Variants in ULK4 observed in about 807,000 individuals in gnomAD.
ULK4 encodes the protein inactive serine/threonine-protein kinase ULK4.
In ULK4, 133 loss-of-function variants were observed where a neutral mutation model predicts 160.6. The observed-to-expected ratio is 0.83, with a 90% CI of 0.72 to 0.96. ULK4 has a LOEUF of 0.96. ULK4 is among the 40% of genes least tolerant of loss of function. ULK4 has a pLI of 0.00. For missense variants in ULK4, 1,580 were observed against 1,499.5 expected (o/e 1.05, Z -0.89); for synonymous variants, 534 against 539.8 (o/e 0.99, Z 0.15).
In ULK4 at chr3:41,375,997, C is replaced by T. The variant is rs900990559; in HGVS notation, c.3678+22082G>A. Among the ~76,000 whole-genome samples the T allele has an allele frequency of 1.2e-4, 18 of 150,284 alleles. 2 individuals are homozygous for T. Among genetic ancestry groups the T allele is most frequent in the African/African-American group, 2.0e-4 (8 of 40,372 alleles). The stretch of plus-strand genomic sequence containing the variant: ...AGGATATGAACAGACACTTCTCAAA[C>T]GAAGACATTTATGGGGCCAATAAAC... On this transcript the variant is annotated intron_variant, in intron 35 of 36. Coordinates refer to ENST00000301831, the MANE Select transcript of ULK4 (RefSeq NM_017886.4).
intron 4 of ULK4, among the ~76,000 whole-genome samples, chr3:41,932,424 T>C (rs1699633829): frequency 6.6e-6 from 1 of 152,254 alleles, no homozygotes; most frequent in Non-Finnish European, 1.5e-5. Flanking sequence ...ATCTGGATTT[T>C]AGACCCAGGT....
At chr3:41,330,397 G>A (rs866252357) in intron 35 of ULK4, among the ~76,000 whole-genome samples, 17 of 152,316 alleles carry the variant, frequency 1.1e-4, no homozygotes, top group African/African-American at 3.8e-4. Context: ...CTCAGGCAAT[G>A]CTTACCTAGA....
intron 5 of ULK4, among the ~76,000 whole-genome samples, chr3:41,931,556 CA>C (rs1440269773): frequency 2.0e-5 from 3 of 151,658 alleles, no homozygotes; most frequent in African/African-American, 7.3e-5. Context: ...GCTAATGTGC[CA>C]GGCACCATTC....
intron 4 of ULK4, among the ~76,000 whole-genome samples, chr3:41,932,386 T>G (rs1575973855): frequency 6.6e-6 from 1 of 152,218 alleles, no homozygotes; most frequent in Non-Finnish European, 1.5e-5. Flanking sequence ...TGAGGAAGCA[T>G]AATGTAGCAT....
intron 32 of ULK4, among the ~76,000 whole-genome samples, chr3:41,503,323 C>T (rs1004983417): frequency 3.3e-5 from 5 of 152,214 alleles, no homozygotes; most frequent in Non-Finnish European, 7.3e-5. Flanking sequence ...GCAAGCTGGA[C>T]ATCACTTAAG....
At chr3:41,250,813 G>C (rs1250110692) in intron 35 of ULK4, 1 of 152,224 alleles carries the variant, frequency 6.6e-6, no homozygotes, top group Non-Finnish European at 1.5e-5. Flanking sequence ...TCTCGGAAGA[G>C]CTGCATGTAA....
chr3:41,783,688 T>A (rs1232546263), intron 21 of ULK4, among the ~76,000 whole-genome samples: 1 of 152,182 alleles, frequency 6.6e-6, no homozygotes, highest in Non-Finnish European at 1.5e-5. Flanking sequence ...TTCTCTATAC[T>A]ACTCATATGA....
chr3:41,280,636 A>G (rs556508638), intron 35 of ULK4, among the ~76,000 whole-genome samples: 21 of 152,368 alleles, frequency 1.4e-4, no homozygotes, highest in South Asian at 1.2e-3. Context: ...ATGTACCAGA[A>G]TCTCTGGGAC....
At chr3:41,871,527 G>A (rs1055143797) in intron 17 of ULK4, among the ~76,000 whole-genome samples, 18 of 152,196 alleles carry the variant, frequency 1.2e-4, no homozygotes, top group African/African-American at 4.3e-4. Context: ...AGCACTTGGT[G>A]CTGCCACTAT....
In ULK4 at chr3:41,792,331, A is replaced by C. The variant is rs146179575; in HGVS notation, c.2011-2488T>G. 2.0e-3 allele frequency among the ~76,000 whole-genome samples: 303 copies of C among 152,264 alleles called. 1 individual carries two copies. The highest frequency in any genetic ancestry group is 7.0e-3 in the African/African-American group (292 of 41,554). On this transcript the variant is annotated intron_variant, in intron 20 of 36. Coordinates refer to ENST00000301831, the MANE Select transcript of ULK4 (RefSeq NM_017886.4). ...AATCTTTAAAAAATAAAAATTGTGA[A>C]AGTTTTAAAAATGAGTCTAAAATTG...
chr3:41,584,022 A>C (rs1214745259), intron 31 of ULK4, among the ~76,000 whole-genome samples: 1 of 152,210 alleles, frequency 6.6e-6, no homozygotes, highest in Non-Finnish European at 1.5e-5. Context: ...CTAGAAGTCT[A>C]ACTGAAATCA....
chr3:41,951,736 A>G (rs1222199413), intron 2 of ULK4, among the ~76,000 whole-genome samples: 1 of 152,220 alleles, frequency 6.6e-6, no homozygotes, highest in Non-Finnish European at 1.5e-5. Context: ...TGGTGGTATT[A>G]GGAGGTGGAA....
chr3:41,947,113 G>A (rs886611781), intron 2 of ULK4, among the ~76,000 whole-genome samples: 2 of 152,192 alleles, frequency 1.3e-5, no homozygotes, highest in Non-Finnish European at 2.9e-5. Context: ...GGATCACAAG[G>A]TCGGGAGATC....
intron 32 of ULK4, among the ~76,000 whole-genome samples, chr3:41,506,767 A>AAAAAAAAAAAAAATATATATATAT: frequency 7.0e-5 from 4 of 56,766 alleles, no homozygotes; most frequent in African/African-American, 3.3e-4. Flanking sequence ...TGTGATTTAA[A>AAAAAAAAAAAAAATATATATATAT]ATATATATAT....
chr3:41,524,085 C>T (rs77613043), intron 32 of ULK4, among the ~76,000 whole-genome samples: 359 of 152,196 alleles, frequency 2.4e-3, no homozygotes, highest in East Asian at 0.013. Flanking sequence ...AAATCTATAA[C>T]GACAAAGTAG....
chr3:41,783,453 C>T (rs953288302), intron 21 of ULK4, among the ~76,000 whole-genome samples: 4 of 151,692 alleles, frequency 2.6e-5, no homozygotes, highest in African/African-American at 9.7e-5. Context: ...ATAAGAATTG[C>T]TTGAACCAGG....
At chr3:41,805,274 GCTCT>G (rs1260558960) in intron 19 of ULK4, among the ~76,000 whole-genome samples, 3 of 151,992 alleles carry the variant, frequency 2.0e-5, no homozygotes, top group Non-Finnish European at 2.9e-5. Flanking sequence ...TCATGATTTG[GCTCT>G]CTGTTTGTCT....
intron 34 of ULK4, among the ~76,000 whole-genome samples, chr3:41,454,539 CAAA>C (rs11286615): frequency 3.3e-5 from 3 of 90,944 alleles, no homozygotes; most frequent in Non-Finnish European, 2.3e-5. Flanking sequence ...GACTTCATCT[CAAA>C]AAAAAAAAAA....
At chr3:41,671,311 A>G (rs1039708501) in intron 29 of ULK4, among the ~76,000 whole-genome samples, 16 of 152,102 alleles carry the variant, frequency 1.1e-4, no homozygotes, top group African/African-American at 3.9e-4. Context: ...GAACAAATCT[A>G]GAAGCATCAC....
Sources: allele counts gnomAD v4.1 joint callset (sites outside exome capture counted in the v4.1 genomes callset), GRCh38; gene constraint gnomAD v4.1.1; transcripts MANE v1.5; gene names NCBI Gene and HGNC (gene_info 2026-07-23, HGNC 2026-07-21).